The following FLT4 variants were observed in gnomAD, a reference collection of about 807,000 sequenced individuals.
The protein encoded by FLT4 is vascular endothelial growth factor receptor 3.
FLT4 carries 30 observed loss-of-function variants against 163.2 expected under a neutral mutation model. The observed-to-expected ratio is 0.18, with a 90% CI of 0.14 to 0.25. The LOEUF (loss-of-function observed/expected upper bound fraction) is 0.25, where lower values mean the gene tolerates loss of function less well. FLT4 is among the 10% of genes least tolerant of loss of function. The pLI is 1.00. For missense variants in FLT4, 1,510 were observed against 1,863.8 expected, an observed-to-expected ratio of 0.81 and a Z score of 3.50; for synonymous variants, 884 against 789.5, an observed-to-expected ratio of 1.12 and a Z score of -2.01.
In FLT4 at chr5:180,623,802, G is replaced by A; in HGVS notation, c.1548+133C>T. 3 of 1,144,992 alleles carry A rather than the reference G, an allele frequency of 2.6e-6. No individual in the cohort carries two copies. The highest frequency in any genetic ancestry group is 3.9e-6 in the Non-Finnish European group (3 of 766,520). 70.9% of individuals were successfully genotyped at this position (1,144,992 alleles called of 1,614,324 possible). A position where few individuals can be genotyped will look rare whatever the true frequency, so the allele number is the denominator to read the frequency against. On this transcript the variant is annotated intron_variant, in intron 11 of 29. Coordinates refer to ENST00000261937, the MANE Select transcript of FLT4 (RefSeq NM_182925.5). This position sits in a 1 kb window ranked among gnomAD's most constrained non-coding sequence, Gnocchi z 5.8. ...GCAGGGTGGCCGAGGCCTACAGACT[G>A]CAGGAAGGTCACCCGCTCTCGGCTG...
At chr5:180,647,926 G>A (rs1765559939) in intron 1 of FLT4, among the ~76,000 whole-genome samples, 1 of 152,122 alleles carries the variant, frequency 6.6e-6, no homozygotes, top group South Asian at 2.1e-4. Flanking sequence ...GCCTCTCCTG[G>A]TTCTCCTTAT....
In FLT4 at chr5:180,616,462, T is replaced by A; in HGVS notation, c.3124A>T (p.Asn1042Tyr). ...KCIHRDLAAR[N>Y]ILLSESDVVK... ...ACGTCGCTTTCCGACAGCAGAATGT[T>A]CCGAGCAGCCAGGTCTCTGTGGATG... Residue 1042 changes from asparagine (N) to tyrosine (Y), a missense_variant, in exon 23 of 30, where the codon AAC becomes TAC. Coordinates refer to ENST00000261937, the MANE Select transcript of FLT4 (RefSeq NM_182925.5). The A allele has an allele frequency of 6.2e-7, 1 of 1,613,828 alleles. No homozygotes were observed. The highest frequency in any genetic ancestry group is 8.5e-7 in the Non-Finnish European group (1 of 1,179,988).
At chr5:180,643,012 G>A (rs1051376202) in intron 1 of FLT4, among the ~76,000 whole-genome samples, 1 of 152,202 alleles carries the variant, frequency 6.6e-6, no homozygotes, top group Admixed American at 6.5e-5. Flanking sequence ...AGAGGTTAAC[G>A]CATTCCAAAA....
intron 28 of FLT4, 51 bp downstream of exon 28, chr5:180,609,854 C>T (rs1007872322): frequency 2.1e-5 from 34 of 1,609,624 alleles, no homozygotes; most frequent in South Asian, 7.7e-5. Flanking sequence ...TCCCCTGAGG[C>T]GGCCCCAGCC....
rs2127836556 is a variant in FLT4 at position 180,630,178 on chromosome 5, G to A, written c.513+47C>T. On this transcript the variant is annotated intron_variant, in intron 4 of 29. Coordinates refer to ENST00000261937, the MANE Select transcript of FLT4 (RefSeq NM_182925.5). This position sits in a 1 kb window ranked among gnomAD's most constrained non-coding sequence, Gnocchi z 6.3. ...GCCAGACAGGCGGCCGCCTTTCCCAGGGGTGGGATGGGAGGGTCGGATGCT... is the reference window on the plus strand; with the variant it reads ...GCCAGACAGGCGGCCGCCTTTCCCAAGGGTGGGATGGGAGGGTCGGATGCT... The A allele has an allele frequency of 1.2e-6, 2 of 1,608,732 alleles. No homozygotes were observed. Among genetic ancestry groups the A allele is most frequent in the Non-Finnish European group, 1.7e-6 (2 of 1,177,054 alleles).
chr5:180,643,481 A>G (rs114629325), intron 1 of FLT4, among the ~76,000 whole-genome samples: 5,995 of 151,910 alleles, frequency 0.039, 168 homozygotes, highest in South Asian at 0.12. Flanking sequence ...GGCCAGCCTC[A>G]ATGGCTCTCC....
rs1196148722 is a variant in FLT4, at chr5:180,619,669, C to A, written c.2643G>T (p.Leu881=). Residue 881 remains leucine, a synonymous_variant, in exon 18 of 30, where the codon CTG becomes CTT. Coordinates refer to ENST00000261937, the MANE Select transcript of FLT4 (RefSeq NM_182925.5). ...TTCCGCCCGCTGACCCCACACCTTT[C>A]AGCATTTTCACGGCCACGGTGTCAC... ...SSCDTVAVKM[L]KEGATASEHR... 2 of 1,611,902 alleles carry A rather than the reference C, an allele frequency of 1.2e-6. No homozygotes were observed. The highest frequency in any genetic ancestry group is 1.3e-5 in the African/African-American group (1 of 74,932).
chr5:180,630,626 A>T lies in FLT4; in HGVS notation c.329T>A (p.Val110Asp), dbSNP rs2127838781. 1 of 1,613,102 alleles carries T rather than the reference A, an allele frequency of 6.2e-7. No homozygotes were observed. The highest frequency in any genetic ancestry group is 8.5e-7 in the Non-Finnish European group (1 of 1,179,986). ...TGCCTTGATGTACTTGTAGTAGCAGACGTAGCTGCCTGTGTCGTTGGCATG... is the reference window on the plus strand; with the variant it reads ...TGCCTTGATGTACTTGTAGTAGCAGTCGTAGCTGCCTGTGTCGTTGGCATG... ...EVHANDTGSYVCYYKYIKARI... is the reference protein window; with the variant it reads ...EVHANDTGSYDCYYKYIKARI... The change falls in exon 3 of 30, where the codon GTC becomes GAC. Residue 110 changes from valine (V) to aspartate (D), a missense_variant. By Grantham distance (152) the Val-to-Asp change is radical. Coordinates refer to ENST00000261937, the MANE Select transcript of FLT4 (RefSeq NM_182925.5). The surrounding 1 kb of genome is among the most constrained non-coding windows in gnomAD (Gnocchi z 6.3).
At chr5:180,638,677 C>T (rs113626784) in intron 1 of FLT4, among the ~76,000 whole-genome samples, 195 of 152,316 alleles carry the variant, frequency 1.3e-3, no homozygotes, top group African/African-American at 4.1e-3. Flanking sequence ...CGTCCTCCAG[C>T]CACTGTTGCC....
Position 180,603,111 on chromosome 5 carries a change from G to T in FLT4, c.*81C>A. 1 of 1,394,898 alleles carries T rather than the reference G, an allele frequency of 7.2e-7. No individual in the cohort carries two copies. Among genetic ancestry groups the T allele is most frequent in the Non-Finnish European group, 1.0e-6 (1 of 990,638 alleles). 86.4% of individuals were successfully genotyped at this position (1,394,898 alleles called of 1,614,324 possible). A position where few individuals can be genotyped will look rare whatever the true frequency, so the allele number is the denominator to read the frequency against. On this transcript the variant is annotated 3_prime_UTR_variant, in exon 30 of 30. Coordinates refer to ENST00000261937, the MANE Select transcript of FLT4 (RefSeq NM_182925.5). ...GTGCCACCAGAGTTCAACCAGATGA[G>T]TTCCCAGCCTGGGCCTCCAGCCCTC... is the stretch of plus-strand genomic sequence containing the variant.
chr5:180,631,008 C>A lies in FLT4; in HGVS notation c.156-209G>T, dbSNP rs307820. Among the ~76,000 whole-genome samples, 134,771 of 152,058 alleles carry A rather than the reference C, an allele frequency of 0.89. 61,010 individuals are homozygous for A. Among genetic ancestry groups the A allele is most frequent in the Non-Finnish European group, 0.98 (66,390 of 67,980 alleles). On this transcript the variant is annotated intron_variant, in intron 2 of 29. Coordinates refer to ENST00000261937, the MANE Select transcript of FLT4 (RefSeq NM_182925.5). ...CCAGGCTCCCGGGGCTGGCCTGTGG[C>A]CAAGCACAGGCCTTGGATCACAGCT...
chr5:180,616,953 C>T lies in FLT4; in HGVS notation c.3043G>A (p.Val1015Ile). ...CTGGCCACCTGGAAGCTGTAGCAGACAAGATCTTCCATGGTCAGCGGGCTC... is the reference window on the plus strand; with the variant it reads ...CTGGCCACCTGGAAGCTGTAGCAGATAAGATCTTCCATGGTCAGCGGGCTC... ...WLSPLTMEDL[V>I]CYSFQVARGM... The change falls in exon 22 of 30, where the codon GTC (valine) becomes ATC (isoleucine). Residue 1015 changes from valine to isoleucine, a missense_variant. Around this residue, in one of 5 missense-constraint regions of FLT4, gnomAD observed 878 missense variants for 1,016.7 expected, o/e 0.86. Coordinates refer to ENST00000261937, the MANE Select transcript of FLT4 (RefSeq NM_182925.5). 6.2e-7 allele frequency: 1 copy of T among 1,613,420 alleles called. No homozygotes were observed. The highest frequency in any genetic ancestry group is 8.5e-7 in the Non-Finnish European group (1 of 1,179,950).
At chr5:180,619,512 C>T (rs1258019291) in intron 18 of FLT4, 146 bp from the exon 19 acceptor site, 1 of 962,370 alleles carries the variant, frequency 1.0e-6, no homozygotes, top group Admixed American at 1.7e-5. Flanking sequence ...TCGGGTGGTC[C>T]CTCGGCTCTG....
rs556686111 is a variant in FLT4, at chr5:180,603,504, G to A, written c.3894-114C>T. The A allele has an allele frequency of 9.7e-6, 9 of 928,442 alleles. No individual in the cohort carries two copies. In the African/African-American group the frequency reaches 1.5e-4, roughly 15 times the overall value. The allele number at this position is 928,442 out of a possible 1,614,324, so 57.5% of individuals were successfully genotyped here. ...AGGCAGGCGGATGGCTTCAGGCCAGGAGTTAGAGTCCAGCCCAGGCAACAT... is the reference window on the plus strand; with the variant it reads ...AGGCAGGCGGATGGCTTCAGGCCAGAAGTTAGAGTCCAGCCCAGGCAACAT... On this transcript the variant is annotated intron_variant, in intron 29 of 29. Transcript: ENST00000261937.
rs748685941 is a variant in FLT4, at chr5:180,631,681, C to T, written c.155+1G>A. The T allele has an allele frequency of 6.2e-7, 1 of 1,607,250 alleles. No homozygotes were observed. On this transcript the variant is annotated splice_donor_variant, in intron 2 of 29. Transcript: ENST00000261937. LOFTEE classifies it high-confidence loss of function. Reference sequence around the variant, plus strand: ...CTGCCAGTGGGAGAGGGACCCAGTACCTGCAGGAGATGGACAGGCTGTCAC... The same window carrying T: ...CTGCCAGTGGGAGAGGGACCCAGTATCTGCAGGAGATGGACAGGCTGTCAC...
At chr5:180,609,193 A>C in intron 28 of FLT4, 140 bp from the exon 29 acceptor site, 1 of 720,722 alleles carries the variant, frequency 1.4e-6, no homozygotes, top group East Asian at 2.7e-5. Context: ...AGCCAGAAAC[A>C]AGGCGTCCAT....
rs1216530336 is a variant in FLT4, at chr5:180,629,978, T to G, written c.641A>C (p.Asp214Ala). 1 of 1,612,712 alleles carries G rather than the reference T, an allele frequency of 6.2e-7. No individual in the cohort carries two copies. Among genetic ancestry groups the G allele is most frequent in the African/African-American group, 1.3e-5 (1 of 74,924 alleles). Residue 214 changes from aspartate (D) to alanine (A), a missense_variant, in exon 5 of 30, where the codon GAC becomes GCC. Around this residue, in one of 5 missense-constraint regions of FLT4, gnomAD observed 163 missense variants for 281.1 expected, o/e 0.58. Coordinates refer to ENST00000261937, the MANE Select transcript of FLT4 (RefSeq NM_182925.5). ...CACCAGGAAGGGGTTGGAAAGGAAG[T>G]CCTGGTCTCCCCAGGTGGTCTCGCA... is the stretch of plus-strand genomic sequence containing the variant. ...LQCETTWGDQ[D>A]FLSNPFLVHI...
chr5:180,603,273 A>G lies in FLT4; in HGVS notation c.4011T>C (p.Tyr1337=). The change falls in exon 30 of 30, where the codon TAT becomes TAC. Residue 1337 remains tyrosine, a synonymous_variant. Transcript: ENST00000261937. The part of the protein sequence containing the change: ...RGGQVFYNSE[Y]GELSEPSEED... ...CCTCGCTTGGCTCCGACAGCTCCCCATACTCGCTGTTGTAAAACACCTGGC... is the reference window on the plus strand; with the variant it reads ...CCTCGCTTGGCTCCGACAGCTCCCCGTACTCGCTGTTGTAAAACACCTGGC... The G allele has an allele frequency of 6.2e-7, 1 of 1,614,154 alleles. No individual in the cohort carries two copies. The highest frequency in any genetic ancestry group is 8.5e-7 in the Non-Finnish European group (1 of 1,180,034).
intron 24 of FLT4, chr5:180,613,605 A>G: frequency 3.6e-6 from 1 of 276,750 alleles, no homozygotes; most frequent in Non-Finnish European, 7.0e-6. Flanking sequence ...CGCCTCCTAC[A>G]CTCTTCCTGC....
Sources: gnomAD v4.1 joint callset for allele counts (sites outside exome capture counted in the v4.1 genomes callset) on GRCh38, gnomAD v4.1.1 for gene constraint, gnomAD v4.1.1 regional missense constraint, Gnocchi (gnomAD v3.1) non-coding constraint, MANE v1.5 for transcripts, NCBI Gene and HGNC (gene_info 2026-07-23, HGNC 2026-07-21) for gene names.